Variants in PHF2 observed in about 807,000 individuals in gnomAD.
PHF2 encodes PHD finger protein 2, also known as lysine-specific demethylase PHF2.
PHF2 carries 27 observed loss-of-function variants against 120.5 expected under a neutral mutation model. The observed-to-expected ratio is 0.22, with a 90% CI of 0.17 to 0.31. PHF2 has a LOEUF of 0.31. PHF2 is among the 10% of genes least tolerant of loss of function. The pLI is 1.00. For missense variants in PHF2, 1,024 were observed against 1,434.8 expected (o/e 0.71, Z 4.63); for synonymous variants, 568 against 592.5 (o/e 0.96, Z 0.60).
At chr9:93,611,125 G>C (rs532296844) in intron 1 of PHF2, among the ~76,000 whole-genome samples, 1 of 152,308 alleles carries the variant, frequency 6.6e-6, no homozygotes, top group South Asian at 2.1e-4. Flanking sequence ...AGTCAGAAGA[G>C]TATTCTTGGC....
intron 2 of PHF2, among the ~76,000 whole-genome samples, chr9:93,635,180 A>G (rs916530128): frequency 1.2e-4 from 18 of 152,146 alleles, no homozygotes; most frequent in Admixed American, 1.1e-3. Flanking sequence ...GGGAGATTGA[A>G]CACAATGCGA....
chr9:93,610,824 C>G (rs1825621563), intron 1 of PHF2, among the ~76,000 whole-genome samples: 1 of 152,138 alleles, frequency 6.6e-6, no homozygotes, highest in Non-Finnish European at 1.5e-5. Context: ...CTGTACATTT[C>G]CCTAGGATGG....
At chr9:93,666,863 G>T (rs999750677) in intron 16 of PHF2, among the ~76,000 whole-genome samples, 1 of 152,102 alleles carries the variant, frequency 6.6e-6, no homozygotes, top group Non-Finnish European at 1.5e-5. Flanking sequence ...GGCGGAGCTT[G>T]CAGTGAGCCA....
At chr9:93,643,573 G>T (rs780073471) in intron 3 of PHF2, among the ~76,000 whole-genome samples, 5 of 152,166 alleles carry the variant, frequency 3.3e-5, no homozygotes, top group Non-Finnish European at 7.3e-5. Context: ...AGGCATTGCA[G>T]CCCTCTAGTT....
intron 1 of PHF2, among the ~76,000 whole-genome samples, chr9:93,593,108 A>G (rs1287943280): frequency 8.7e-5 from 13 of 148,706 alleles, no homozygotes; most frequent in Admixed American, 2.0e-4. Flanking sequence ...AAAAAAAAAA[A>G]AAAGAAAAAA....
chr9:93,594,221 A>G (rs977441025), intron 1 of PHF2, among the ~76,000 whole-genome samples: 2 of 137,044 alleles, frequency 1.5e-5, no homozygotes, highest in African/African-American at 5.6e-5. Flanking sequence ...AATGCACATT[A>G]GCTTAGTCTG....
chr9:93,632,933 C>G (rs1198804220), intron 2 of PHF2, among the ~76,000 whole-genome samples: 2 of 86,654 alleles, frequency 2.3e-5, no homozygotes, highest in Non-Finnish European at 2.7e-5. Context: ...TACACTGTGC[C>G]CAGAGGCTAT....
chr9:93,660,992 C>T (rs1473605262), intron 12 of PHF2, among the ~76,000 whole-genome samples: 1 of 151,692 alleles, frequency 6.6e-6, no homozygotes, highest in African/African-American at 2.4e-5. Flanking sequence ...CAAAGAAGCC[C>T]TGGGTCCTCC....
chr9:93,663,093 CTG>C (rs1826608044), intron 13 of PHF2, 67 bp downstream of exon 13: 3 of 1,588,196 alleles, frequency 1.9e-6, no homozygotes, highest in African/African-American at 1.3e-5. Context: ...AGAGGTGAAT[CTG>C]TGAGGCCCTG....
intron 1 of PHF2, among the ~76,000 whole-genome samples, chr9:93,622,129 T>G (rs1825836198): frequency 1.3e-5 from 2 of 152,142 alleles, no homozygotes; most frequent in Admixed American, 1.3e-4. Flanking sequence ...CCCTGCTATA[T>G]CACAGGGAGG....
chr9:93,671,539 T>C (rs1428622634), intron 17 of PHF2, among the ~76,000 whole-genome samples: 5 of 127,932 alleles, frequency 3.9e-5, no homozygotes, highest in African/African-American at 1.3e-4. Flanking sequence ...CAGGTGTAGA[T>C]GCAGATGTGG....
At chr9:93,635,007 A>G (rs1826066524) in intron 2 of PHF2, among the ~76,000 whole-genome samples, 2 of 152,186 alleles carry the variant, frequency 1.3e-5, no homozygotes, top group Admixed American at 1.3e-4. Context: ...GCTGTCAAGT[A>G]ATTTGCCCAA....
chr9:93,637,003 G>C (rs1281392843), intron 3 of PHF2, among the ~76,000 whole-genome samples: 2 of 152,254 alleles, frequency 1.3e-5, no homozygotes, highest in African/African-American at 4.8e-5. Context: ...ACACAGCCGG[G>C]AGCGGCTCCT....
intron 1 of PHF2, among the ~76,000 whole-genome samples, chr9:93,613,532 A>G (rs2994367): frequency 0.82 from 123,757 of 150,488 alleles, 51,354 homozygotes; most frequent in East Asian, 0.94. Flanking sequence ...GTCCCGGTGG[A>G]GATTGGGGTT....
chr9:93,576,881 C>T lies in PHF2; in HGVS notation c.98+10C>T. ...ACTGGTTCCACGGCAGGTGAGCGCGCGGCGGCTGCTCGGCTCGGCCCGGCC... is the reference window on the plus strand; with the variant it reads ...ACTGGTTCCACGGCAGGTGAGCGCGTGGCGGCTGCTCGGCTCGGCCCGGCC... On this transcript the variant is annotated intron_variant, in intron 1 of 21. Transcript: ENST00000359246. The T allele has an allele frequency of 1.7e-6, 2 of 1,200,768 alleles. No homozygotes were observed. The highest frequency in any genetic ancestry group is 1.5e-5 in the South Asian group (1 of 65,218). 74.4% of individuals were successfully genotyped at this position (1,200,768 alleles called of 1,614,324 possible).
At chr9:93,587,300 G>A (rs1376973142) in intron 1 of PHF2, among the ~76,000 whole-genome samples, 1 of 149,290 alleles carries the variant, frequency 6.7e-6, no homozygotes, top group Non-Finnish European at 1.5e-5. Context: ...GGTGAGGGAT[G>A]ACAGAGGAGC....
At chr9:93,621,509 A>G (rs75067094) in intron 1 of PHF2, among the ~76,000 whole-genome samples, 2 of 152,194 alleles carry the variant, frequency 1.3e-5, no homozygotes, top group Admixed American at 6.5e-5. Context: ...GAGGAAGCCC[A>G]CAAGGGGCCC....
chr9:93,591,394 C>T (rs544966861), intron 1 of PHF2, among the ~76,000 whole-genome samples: 25 of 152,322 alleles, frequency 1.6e-4, no homozygotes, highest in Admixed American at 3.9e-4. Flanking sequence ...GGGCTAGGCA[C>T]CCATTCAGGA....
chr9:93,587,829 C>T (rs542909072), intron 1 of PHF2, among the ~76,000 whole-genome samples: 20 of 152,142 alleles, frequency 1.3e-4, no homozygotes, highest in Non-Finnish European at 2.6e-4. Flanking sequence ...CACCTAGTGG[C>T]CAACTGTCCC....
Sources: allele counts gnomAD v4.1 joint callset (sites outside exome capture counted in the v4.1 genomes callset), GRCh38; gene constraint gnomAD v4.1.1; transcripts MANE v1.5; gene names NCBI Gene and HGNC (gene_info 2026-07-23, HGNC 2026-07-21).